The following LAMA4 variants were observed in gnomAD, a reference collection of about 807,000 sequenced individuals.
LAMA4 encodes laminin subunit alpha-4.
A neutral mutation model predicts 207.1 loss-of-function variants in LAMA4; 127 were observed. The ratio of observed to expected loss-of-function variants is 0.61; its 90% CI spans 0.53 to 0.71. The LOEUF (loss-of-function observed/expected upper bound fraction) is 0.71. LAMA4 is among the 30% of genes least tolerant of loss of function. The pLI is 0.00. For synonymous variants in LAMA4, 761 were observed against 816.0 expected (o/e 0.93, Z 1.15); for missense variants, 2,093 against 2,246.5 (o/e 0.93, Z 1.38).
chr6:112,134,148 G>A (rs1779197841), intron 26 of LAMA4, among the ~76,000 whole-genome samples: 1 of 152,122 alleles, frequency 6.6e-6, no homozygotes, highest in African/African-American at 2.4e-5. Context: ...AAAAGTAAAT[G>A]GACAAATGCT....
intron 33 of LAMA4, 150 bp from the exon 34 acceptor site, chr6:112,119,461 A>G (rs1343947034): frequency 8.3e-6 from 7 of 845,640 alleles, no homozygotes; most frequent in Non-Finnish European, 1.3e-5. Context: ...TCTGAAGGTC[A>G]GGAGTTTATC....
At chr6:112,140,973 C>G (rs781807258) in intron 21 of LAMA4, 51 bp from the exon 22 acceptor site, 60 of 1,509,020 alleles carry the variant, frequency 4.0e-5, no homozygotes, top group East Asian at 1.1e-4. Context: ...ATAGAAAATA[C>G]TTTTTAAATG....
At chr6:112,228,809 G>A (rs192637877) in intron 2 of LAMA4, among the ~76,000 whole-genome samples, 4 of 152,292 alleles carry the variant, frequency 2.6e-5, no homozygotes, top group African/African-American at 9.6e-5. Flanking sequence ...ATGCAAGGGA[G>A]CTTGTGTGCT....
At chr6:112,210,834 G>T (rs911845680) in intron 3 of LAMA4, among the ~76,000 whole-genome samples, 7 of 151,966 alleles carry the variant, frequency 4.6e-5, no homozygotes, top group African/African-American at 1.5e-4. Context: ...AAATATGTTT[G>T]TTTGATAAAA....
Position 112,114,139 on chromosome 6 carries a change from C to A in LAMA4, c.5263G>T (p.Val1755Phe). ...ATTGGTTTTGGATTCAGGGGTCCAA[C>A]CACATGGTTCACTTCAGAGTCCACA... ...LDVDSEVNHV[V>F]GPLNPKPIDH... The change falls in exon 38 of 39, where the codon GTT becomes TTT. Residue 1755 changes from valine to phenylalanine, a missense_variant. Val to Phe is a conservative substitution (Grantham distance 50). Transcript: ENST00000230538. 1.2e-6 allele frequency: 2 copies of A among 1,613,796 alleles called. No homozygotes were observed. The highest frequency in any genetic ancestry group is 1.7e-6 in the Non-Finnish European group (2 of 1,179,750).
At chr6:112,244,477 G>A (rs1786762575) in intron 2 of LAMA4, among the ~76,000 whole-genome samples, 1 of 152,154 alleles carries the variant, frequency 6.6e-6, no homozygotes, top group African/African-American at 2.4e-5. Flanking sequence ...CAGACAACCA[G>A]CAGCCCTCAG....
chr6:112,139,661 A>T, intron 23 of LAMA4, 91 bp downstream of exon 23: 3 of 1,509,310 alleles, frequency 2.0e-6, no homozygotes, highest in Non-Finnish European at 2.8e-6. Flanking sequence ...CCCAAAGAAA[A>T]GTTTGAGAAC....
At chr6:112,248,424 G>C (rs964077694) in intron 2 of LAMA4, among the ~76,000 whole-genome samples, 4 of 151,484 alleles carry the variant, frequency 2.6e-5, no homozygotes, top group African/African-American at 4.9e-5. Flanking sequence ...GCTTGAACCC[G>C]GGAGGCAGAG....
intron 13 of LAMA4, among the ~76,000 whole-genome samples, chr6:112,164,552 GA>G (rs1301982955): frequency 6.6e-5 from 10 of 152,146 alleles, no homozygotes; most frequent in Admixed American, 5.9e-4. Context: ...AGAGTGATGG[GA>G]GTCAGTTTGG....
chr6:112,113,683 T>G (rs998783949), intron 38 of LAMA4, among the ~76,000 whole-genome samples: 25 of 152,334 alleles, frequency 1.6e-4, no homozygotes, highest in Admixed American at 1.0e-3. Context: ...TGTGCATTTT[T>G]TCCTACTGAG....
chr6:112,174,468 T>C (rs1554342960), intron 11 of LAMA4, among the ~76,000 whole-genome samples: 1 of 152,216 alleles, frequency 6.6e-6, no homozygotes, highest in East Asian at 1.9e-4. Context: ...ATGGTTATTG[T>C]TTTAAATGAA....
At position 112,113,842 on chromosome 6, in the gene LAMA4, G is replaced by A. The variant is rs180719740; in HGVS notation, c.5326+234C>T. 3.9e-3 allele frequency among the ~76,000 whole-genome samples: 588 copies of A among 152,124 alleles called. 9 individuals are homozygous for A. The highest frequency in any genetic ancestry group is 0.013 in the African/African-American group (556 of 41,508). On this transcript the variant is annotated intron_variant, in intron 38 of 38. Transcript: ENST00000230538. Reference sequence around the variant, plus strand: ...GTGTGGCGGGCACTTAAAAGGGAAAGGAAAGAAAAAAATAAGCAAATATGG... The same window carrying A: ...GTGTGGCGGGCACTTAAAAGGGAAAAGAAAGAAAAAAATAAGCAAATATGG...
intron 25 of LAMA4, chr6:112,135,911 A>G: frequency 2.0e-6 from 1 of 494,380 alleles, no homozygotes; most frequent in Non-Finnish European, 3.7e-6. Flanking sequence ...AGTGACTTTT[A>G]AATTGGAACA....
chr6:112,234,978 A>G (rs1785809467), intron 2 of LAMA4, among the ~76,000 whole-genome samples: 1 of 152,198 alleles, frequency 6.6e-6, no homozygotes, highest in Non-Finnish European at 1.5e-5. Context: ...CTGACCTTAC[A>G]CAGACATCAG....
rs541124271 is a variant in LAMA4 at position 112,129,829 on chromosome 6, TTTTA to T, written c.4133+43_4133+46del. The T allele has an allele frequency of 3.7e-4, 516 of 1,409,378 alleles. 4 individuals are homozygous for T. In the African/African-American group the frequency reaches 6.6e-3, roughly 18 times the overall value. 87.3% of individuals were successfully genotyped at this position (1,409,378 alleles called of 1,614,324 possible). A position where few individuals can be genotyped will look rare whatever the true frequency, so the allele number is the denominator to read the frequency against. ...TTTAATATTTTTGCTGTTGTCTTGA[TTTTA>T]TTTATCAATCATGCAGATTCATTAA... On this transcript the variant is annotated intron_variant, in intron 30 of 38. Transcript: ENST00000230538.
chr6:112,239,478 G>C (rs1786218843), intron 2 of LAMA4, among the ~76,000 whole-genome samples: 1 of 152,132 alleles, frequency 6.6e-6, no homozygotes, highest in Admixed American at 6.5e-5. Context: ...AGAGGAGGAG[G>C]AGAAATAGCA....
At chr6:112,206,156 G>A (rs1784046103) in intron 4 of LAMA4, among the ~76,000 whole-genome samples, 1 of 152,188 alleles carries the variant, frequency 6.6e-6, no homozygotes, top group African/African-American at 2.4e-5. Flanking sequence ...CCTGAGGAGA[G>A]GTTGAGGGAT....
intron 16 of LAMA4, among the ~76,000 whole-genome samples, chr6:112,154,372 A>AAG (rs1355804089): frequency 8.6e-5 from 13 of 151,970 alleles, no homozygotes; most frequent in Non-Finnish European, 1.8e-4. Context: ...AAAAAAAAAA[A>AAG]AAAGAAAAGC....
In LAMA4 at chr6:112,245,326, A is replaced by T. The variant is rs144309832; in HGVS notation, c.195+8630T>A. The stretch of plus-strand genomic sequence containing the variant: ...TTCTAGAGGGTTCTATAGTCCTAGC[A>T]TCCCAGGGCCTGAGGCTTACTAGAC... On this transcript the variant is annotated intron_variant, in intron 2 of 38. Transcript: ENST00000230538. 2.0e-5 allele frequency among the ~76,000 whole-genome samples: 3 copies of T among 152,282 alleles called. No individual in the cohort carries two copies. In the East Asian group the frequency reaches 5.8e-4, roughly 29 times the overall value.
Sources: allele counts gnomAD v4.1 joint callset (sites outside exome capture counted in the v4.1 genomes callset), GRCh38; gene constraint gnomAD v4.1.1; transcripts MANE v1.5; gene names NCBI Gene and HGNC (gene_info 2026-07-23, HGNC 2026-07-21).